The following OLFM2 variants were observed in gnomAD, a reference collection of about 807,000 sequenced individuals.
The protein encoded by OLFM2 is olfactomedin 2.
A neutral mutation model predicts 43.9 loss-of-function variants in OLFM2; 20 were observed. That is an observed-to-expected ratio of 0.46 (90% CI 0.32 to 0.66). The LOEUF is 0.66. Among genes scored for constraint, OLFM2 ranks in the 30% least tolerant of loss-of-function variants. The pLI is 0.04. For missense variants in OLFM2, 416 were observed against 643.6 expected (o/e 0.65, Z 3.83); for synonymous variants, 268 against 278.6 (o/e 0.96, Z 0.38).
At position 9,857,512 on chromosome 19, in the gene OLFM2, C is replaced by G; in HGVS notation, c.361-30G>C. ...GCATCAAGATGGAACCATGGCCAAG[C>G]CTGACCCCTGGCCTTTGACCCAGAC... On this transcript the variant is annotated intron_variant, in intron 3 of 5. Coordinates refer to ENST00000264833, the MANE Select transcript of OLFM2 (RefSeq NM_058164.4). This position sits in a 1 kb window ranked among gnomAD's most constrained non-coding sequence, Gnocchi z 5.7. 1.2e-6 allele frequency: 2 copies of G among 1,607,884 alleles called. No individual in the cohort carries two copies. The highest frequency in any genetic ancestry group is 2.2e-5 in the South Asian group (2 of 90,744).
chr19:9,899,702 C>T (rs1568380119), intron 1 of OLFM2, among the ~76,000 whole-genome samples: 1 of 151,964 alleles, frequency 6.6e-6, no homozygotes, highest in African/African-American at 2.4e-5. Flanking sequence ...CAGGTGCACG[C>T]CACCATGCCT....
intron 1 of OLFM2, among the ~76,000 whole-genome samples, chr19:9,890,954 G>C (rs1349924735): frequency 6.6e-6 from 1 of 151,660 alleles, no homozygotes; most frequent in Non-Finnish European, 1.5e-5. Flanking sequence ...CCCTGTCTCT[G>C]AAACAACGAA....
intron 1 of OLFM2, among the ~76,000 whole-genome samples, chr19:9,877,570 AT>A (rs2046501919): frequency 1.3e-5 from 2 of 151,084 alleles, no homozygotes; most frequent in Admixed American, 1.3e-4. Context: ...AAATAAATAA[AT>A]AAATACAATA....
intron 1 of OLFM2, among the ~76,000 whole-genome samples, chr19:9,896,544 G>A (rs1050483269): frequency 6.6e-6 from 1 of 152,162 alleles, no homozygotes; most frequent in Non-Finnish European, 1.5e-5. Flanking sequence ...TTATAGGTGT[G>A]AGCCACCACC....
At chr19:9,930,973 G>A (rs965048162) in intron 1 of OLFM2, among the ~76,000 whole-genome samples, 1 of 152,016 alleles carries the variant, frequency 6.6e-6, no homozygotes, top group Non-Finnish European at 1.5e-5. Context: ...CCACGCACAG[G>A]TGCACAACCA....
intron 1 of OLFM2, among the ~76,000 whole-genome samples, chr19:9,916,781 G>A (rs1182580015): frequency 5.9e-5 from 9 of 152,072 alleles, no homozygotes; most frequent in Non-Finnish European, 7.4e-5. Flanking sequence ...CCTCCCCAAC[G>A]TTTCCAAAAC....
At chr19:9,875,653 GTTGTTTGTTGTTGTTGTTTTTCTT>G (rs1167369682) in intron 1 of OLFM2, among the ~76,000 whole-genome samples, 1 of 10,434 alleles carries the variant, frequency 9.6e-5, no homozygotes, top group African/African-American at 3.4e-4. Context: ...AGCACATCTG[GTTGTTTGTTGTTGTTGTTTTTCTT>G]TTGTTTTTTG....
intron 1 of OLFM2, among the ~76,000 whole-genome samples, chr19:9,909,551 C>G (rs2144988910): frequency 6.9e-6 from 1 of 144,834 alleles, no homozygotes; most frequent in East Asian, 2.1e-4. Context: ...CAGAGAGAAG[C>G]AGGACCCCCA....
chr19:9,904,571 C>T (rs1314800950), intron 1 of OLFM2, among the ~76,000 whole-genome samples: 2 of 151,872 alleles, frequency 1.3e-5, no homozygotes, highest in Admixed American at 1.3e-4. Context: ...ACTGGTAGCT[C>T]CCCTGTGTGT....
intron 1 of OLFM2, among the ~76,000 whole-genome samples, chr19:9,887,779 A>G (rs922632883): frequency 1.1e-4 from 17 of 152,146 alleles, no homozygotes; most frequent in African/African-American, 4.1e-4. Flanking sequence ...GCGTGATTAC[A>G]CCTGTAATCC....
rs1025191910 is a variant in OLFM2, at chr19:9,857,531, C to G, written c.361-49G>C. Reference sequence around the variant, plus strand: ...GCCAAGCCTGACCCCTGGCCTTTGACCCAGACATGACTCCAACCTCTGACT... The same window carrying G: ...GCCAAGCCTGACCCCTGGCCTTTGAGCCAGACATGACTCCAACCTCTGACT... On this transcript the variant is annotated intron_variant, in intron 3 of 5. Coordinates refer to ENST00000264833, the MANE Select transcript of OLFM2 (RefSeq NM_058164.4). This position sits in a 1 kb window ranked among gnomAD's most constrained non-coding sequence, Gnocchi z 5.7. 1 of 1,597,196 alleles carries G rather than the reference C, an allele frequency of 6.3e-7. No individual in the cohort carries two copies.
rs1568364416 is a variant in OLFM2 at position 9,853,953 on chromosome 19, A to C, written c.*233T>G. The stretch of plus-strand genomic sequence containing the variant: ...CCATAAAAAGAAAAAGACATCCATA[A>C]AAAGGCAGAAAGAAAGAAGTGGTGT... On this transcript the variant is annotated 3_prime_UTR_variant, in exon 6 of 6. Transcript: ENST00000264833. 5 of 580,940 alleles carry C rather than the reference A, an allele frequency of 8.6e-6. No individual in the cohort carries two copies. The highest frequency in any genetic ancestry group is 1.2e-5 in the Non-Finnish European group (4 of 329,520). The allele number at this position is 580,940 out of a possible 1,614,324, so 36.0% of individuals were successfully genotyped here. A position where few individuals can be genotyped will look rare whatever the true frequency, so the allele number is the denominator to read the frequency against.
rs529067559 is a variant in OLFM2, at chr19:9,898,674, C to G, written c.63+37630G>C. On this transcript the variant is annotated intron_variant, in intron 1 of 5. Coordinates refer to ENST00000264833, the MANE Select transcript of OLFM2 (RefSeq NM_058164.4). ...CCACTGTGCTTGGCCCCCTCCTTAT[C>G]TTTAAGAAATTCTCCCTGGGCCTTA... 1.5e-3 allele frequency among the ~76,000 whole-genome samples: 223 copies of G among 152,232 alleles called. 2 individuals are homozygous for G. Among genetic ancestry groups the G allele is most frequent in the Non-Finnish European group, 2.1e-3 (140 of 68,010 alleles).
chr19:9,860,599 T>C lies in OLFM2; in HGVS notation c.213+46A>G, dbSNP rs770022154. On this transcript the variant is annotated intron_variant, in intron 2 of 5. Transcript: ENST00000264833. Reference sequence around the variant, plus strand: ...TGGGGCTGGAGGGCGGGGTGAGAACTGGGAGATTTTCCCAGCTGCCCCCAG... The same window carrying C: ...TGGGGCTGGAGGGCGGGGTGAGAACCGGGAGATTTTCCCAGCTGCCCCCAG... 8 of 1,550,906 alleles carry C rather than the reference T, an allele frequency of 5.2e-6. No homozygotes were observed. In the South Asian group the frequency reaches 8.3e-5, roughly 16 times the overall value.
At chr19:9,899,024 G>A (rs973638065) in intron 1 of OLFM2, among the ~76,000 whole-genome samples, 1 of 152,112 alleles carries the variant, frequency 6.6e-6, no homozygotes, top group African/African-American at 2.4e-5. Flanking sequence ...AACAACTTTG[G>A]GAGGCCGAGG....
intron 1 of OLFM2, among the ~76,000 whole-genome samples, chr19:9,888,789 G>A (rs1422667873): frequency 2.0e-5 from 3 of 152,044 alleles, no homozygotes; most frequent in Non-Finnish European, 1.5e-5. Flanking sequence ...AAATTCTGCC[G>A]GGCACGGTGG....
chr19:9,925,030 A>C (rs563605836), intron 1 of OLFM2, among the ~76,000 whole-genome samples: 9 of 152,228 alleles, frequency 5.9e-5, no homozygotes, highest in African/African-American at 2.2e-4. Flanking sequence ...TGGGAGGCTG[A>C]GGCAGGCAGA....
intron 1 of OLFM2, among the ~76,000 whole-genome samples, chr19:9,911,468 C>T (rs546192363): frequency 6.6e-6 from 1 of 152,190 alleles, no homozygotes; most frequent in Admixed American, 6.6e-5. Flanking sequence ...GAGTGGAGAT[C>T]AGGTCTGTTT....
intron 1 of OLFM2, among the ~76,000 whole-genome samples, chr19:9,913,020 A>G (rs2046841093): frequency 6.6e-6 from 1 of 151,564 alleles, no homozygotes; most frequent in Non-Finnish European, 1.5e-5. Context: ...AACCAGGCAG[A>G]GACCTTGAAG....
Sources: allele counts gnomAD v4.1 joint callset (sites outside exome capture counted in the v4.1 genomes callset), GRCh38; gene constraint gnomAD v4.1.1; non-coding constraint Gnocchi (gnomAD v3.1); transcripts MANE v1.5; gene names NCBI Gene and HGNC (gene_info 2026-07-23, HGNC 2026-07-21).